Variants in XKR4 observed in about 807,000 individuals in gnomAD.
The protein encoded by XKR4 is XK related 4, also known as XK-related protein 4.
XKR4 carries 12 observed loss-of-function variants against 53.9 expected under a neutral mutation model. That is an observed-to-expected ratio of 0.22 (90% confidence interval 0.14 to 0.36). XKR4 has a LOEUF of 0.36. Ranked by LOEUF, XKR4 falls within the 10% of genes least tolerant of loss-of-function variation. The pLI, the probability that XKR4 is intolerant of heterozygous loss-of-function variation, is 1.00. For missense variants in XKR4, 799 were observed against 859.5 expected, an observed-to-expected ratio of 0.93 and a Z score of 0.88; for synonymous variants, 354 against 362.4, an observed-to-expected ratio of 0.98 and a Z score of 0.26.
chr8:55,229,249 G>A (rs1817997705), intron 1 of XKR4, among the ~76,000 whole-genome samples: 1 of 151,856 alleles, frequency 6.6e-6, no homozygotes, highest in Admixed American at 6.5e-5. Flanking sequence ...TCCGCCCTGT[G>A]TCGATTTCCA....
chr8:55,164,907 C>T (rs777498869), intron 1 of XKR4, among the ~76,000 whole-genome samples: 4 of 152,140 alleles, frequency 2.6e-5, no homozygotes, highest in Non-Finnish European at 4.4e-5. Context: ...TCATTTGCTG[C>T]CTCACCCTCC....
chr8:55,357,961 C>A lies in XKR4; in HGVS notation c.1006+84C>A, dbSNP rs981195047. The A allele has an allele frequency of 3.0e-5, 41 of 1,373,894 alleles. No homozygotes were observed. In the South Asian group the frequency reaches 4.9e-4, roughly 16 times the overall value. 85.1% of individuals were successfully genotyped at this position (1,373,894 alleles called of 1,614,324 possible). On this transcript the variant is annotated intron_variant, in intron 2 of 2. Transcript: ENST00000327381. ...ACAATCCGAGGAACTGTCCTAATGC[C>A]CTTTGTTGACACAGGCCTGTGATGT...
chr8:55,477,476 G>A (rs917422323), intron 2 of XKR4, among the ~76,000 whole-genome samples: 1 of 152,068 alleles, frequency 6.6e-6, no homozygotes, highest in Non-Finnish European at 1.5e-5. Context: ...CAGAAAAACT[G>A]GAAACTCTAA....
At position 55,102,589 on chromosome 8, in the gene XKR4, T is replaced by G. The variant is rs754464242; in HGVS notation, c.101T>G (p.Leu34Trp). 10 of 1,512,558 alleles carry G rather than the reference T, an allele frequency of 6.6e-6. No homozygotes were observed. The East Asian group carries it at 2.4e-4, about 37-fold the overall frequency. 93.7% of individuals were successfully genotyped at this position (1,512,558 alleles called of 1,614,324 possible). ...NSDHSGSVQG[L>W]APGLPSGSGA... The stretch of plus-strand genomic sequence containing the variant: ...GACCACTCGGGCTCGGTGCAGGGAT[T>G]GGCTCCAGGCTTGCCGTCGGGGTCG... The change falls in exon 1 of 3, where the codon TTG becomes TGG. Residue 34 changes from leucine (L) to tryptophan (W), a missense_variant. Around this residue, in one of 3 missense-constraint regions of XKR4, gnomAD observed 476 missense variants for 505.4 expected, o/e 0.94. Coordinates refer to ENST00000327381, the MANE Select transcript of XKR4 (RefSeq NM_052898.2). This position sits in a 1 kb window ranked among gnomAD's most constrained non-coding sequence, Gnocchi z 5.1.
At chr8:55,159,587 A>G (rs1193384613) in intron 1 of XKR4, among the ~76,000 whole-genome samples, 3 of 152,212 alleles carry the variant, frequency 2.0e-5, no homozygotes, top group African/African-American at 7.2e-5. Context: ...ATGATGAAAA[A>G]GTCTGAAGGC....
intron 1 of XKR4, among the ~76,000 whole-genome samples, chr8:55,245,143 A>T (rs1384533099): frequency 6.6e-6 from 1 of 151,798 alleles, no homozygotes; most frequent in East Asian, 1.9e-4. Flanking sequence ...CTGACCTCAG[A>T]TGATCCACCC....
intron 2 of XKR4, among the ~76,000 whole-genome samples, chr8:55,446,265 C>G (rs962946225): frequency 6.6e-6 from 1 of 152,198 alleles, no homozygotes; most frequent in Non-Finnish European, 1.5e-5. Flanking sequence ...ATGTGCATAA[C>G]ATGGGCTCAA....
chr8:55,399,944 T>G (rs1415194084), intron 2 of XKR4, among the ~76,000 whole-genome samples: 1 of 152,170 alleles, frequency 6.6e-6, no homozygotes, highest in Non-Finnish European at 1.5e-5. Flanking sequence ...AGCTTCAGTA[T>G]CTCCAGGTTC....
At chr8:55,249,732 A>G (rs1287217247) in intron 1 of XKR4, among the ~76,000 whole-genome samples, 3 of 152,232 alleles carry the variant, frequency 2.0e-5, no homozygotes, top group East Asian at 1.9e-4. Context: ...CAATAAGCCA[A>G]TGAGGTAGCC....
chr8:55,131,154 C>T (rs1816548701), intron 1 of XKR4, among the ~76,000 whole-genome samples: 1 of 151,212 alleles, frequency 6.6e-6, no homozygotes, highest in Admixed American at 6.6e-5. Context: ...AGCGAAATGG[C>T]TGTCTCAAAA....
chr8:55,224,619 G>A (rs1464382070), intron 1 of XKR4, among the ~76,000 whole-genome samples: 2 of 152,154 alleles, frequency 1.3e-5, no homozygotes, highest in African/African-American at 2.4e-5. Context: ...TCAATATTTC[G>A]GGATAAAAAA....
At chr8:55,434,932 A>T (rs542115388) in intron 2 of XKR4, among the ~76,000 whole-genome samples, 14 of 152,262 alleles carry the variant, frequency 9.2e-5, no homozygotes, top group African/African-American at 3.1e-4. Context: ...GCAGCCCATC[A>T]TGCAACTCCT....
chr8:55,191,515 C>T (rs1320521223), intron 1 of XKR4, among the ~76,000 whole-genome samples: 2 of 152,120 alleles, frequency 1.3e-5, no homozygotes, highest in Non-Finnish European at 2.9e-5. Context: ...TCTTCCCACT[C>T]TTCACAAGTG....
intron 2 of XKR4, among the ~76,000 whole-genome samples, chr8:55,497,664 A>G (rs554992730): frequency 6.6e-6 from 1 of 152,328 alleles, no homozygotes; most frequent in African/African-American, 2.4e-5. Context: ...AAGTAAACAA[A>G]TGCAAGTGTC....
chr8:55,134,893 A>G (rs1487794677), intron 1 of XKR4, among the ~76,000 whole-genome samples: 2 of 152,198 alleles, frequency 1.3e-5, no homozygotes, highest in African/African-American at 4.8e-5. Context: ...ATAAGCAGAC[A>G]GAGAATATGG....
chr8:55,506,905 T>C (rs1806533261), intron 2 of XKR4, among the ~76,000 whole-genome samples: 1 of 152,266 alleles, frequency 6.6e-6, no homozygotes, highest in Non-Finnish European at 1.5e-5. Context: ...CTTTCTTTTA[T>C]CCAATGACAA....
intron 2 of XKR4, among the ~76,000 whole-genome samples, chr8:55,471,484 T>C (rs1805881492): frequency 6.6e-6 from 1 of 152,132 alleles, no homozygotes; most frequent in Non-Finnish European, 1.5e-5. Context: ...ATCTGTGTTG[T>C]ACCAAGCCCT....
At chr8:55,321,729 G>A (rs950268275) in intron 1 of XKR4, among the ~76,000 whole-genome samples, 62 of 152,300 alleles carry the variant, frequency 4.1e-4, no homozygotes, top group African/African-American at 1.4e-3. Flanking sequence ...GGTGGCTCAT[G>A]CCTGTAATCC....
chr8:55,424,248 A>C (rs1275324324), intron 2 of XKR4, among the ~76,000 whole-genome samples: 1 of 152,216 alleles, frequency 6.6e-6, no homozygotes, highest in Non-Finnish European at 1.5e-5. Flanking sequence ...TCATATTTAC[A>C]TCCTCTATGC....
Sources: gnomAD v4.1 joint callset for allele counts (sites outside exome capture counted in the v4.1 genomes callset) on GRCh38, gnomAD v4.1.1 for gene constraint, gnomAD v4.1.1 regional missense constraint, Gnocchi (gnomAD v3.1) non-coding constraint, MANE v1.5 for transcripts, NCBI Gene and HGNC (gene_info 2026-07-23, HGNC 2026-07-21) for gene names.